The following MAPK8 variants were observed in gnomAD, a reference collection of about 807,000 sequenced individuals.
The protein encoded by MAPK8 is JUN N-terminal kinase.
A neutral mutation model predicts 52.9 loss-of-function variants in MAPK8; 13 were observed. The ratio of observed to expected loss-of-function variants is 0.25; its 90% CI spans 0.16 to 0.39. The LOEUF is 0.39. Among genes scored for constraint, MAPK8 ranks in the 10% least tolerant of loss-of-function variants. The pLI is 1.00. For missense variants in MAPK8, 300 were observed against 519.2 expected (o/e 0.58, Z 4.10); for synonymous variants, 191 against 169.8 (o/e 1.12, Z -0.97).
rs1053783116 is a variant in MAPK8, at chr10:48,326,909, A to G, written c.-50+20088A>G. On this transcript the variant is annotated intron_variant, in intron 1 of 11. Transcript: ENST00000374189. ...TATCAGAATTGTTAACTCACACCCA[A>G]TGGAAACAGCTGTATCAACTAGGAG... 2.6e-5 allele frequency among the ~76,000 whole-genome samples: 4 copies of G among 152,134 alleles called. No individual in the cohort carries two copies. In the South Asian group the frequency reaches 6.2e-4, roughly 24 times the overall value.
chr10:48,360,012 T>C lies in MAPK8; in HGVS notation c.-49-41600T>C, dbSNP rs187723391. 1.9e-3 allele frequency among the ~76,000 whole-genome samples: 283 copies of C among 152,174 alleles called. 1 individual carries two copies. The highest frequency in any genetic ancestry group is 6.4e-3 in the African/African-American group (265 of 41,528). The stretch of plus-strand genomic sequence containing the variant: ...CAACACATAATTGAGAAAGGACTGT[T>C]ACAAATTAACCGGGTTTGGCAGCAT... On this transcript the variant is annotated intron_variant, in intron 1 of 11. Transcript: ENST00000374189.
chr10:48,340,965 A>G (rs551624438), intron 1 of MAPK8, among the ~76,000 whole-genome samples: 58 of 152,322 alleles, frequency 3.8e-4, no homozygotes, highest in African/African-American at 1.3e-3. Flanking sequence ...CCAGAATGGC[A>G]GGACAGTTAT....
At chr10:48,399,861 C>A (rs187346572) in intron 1 of MAPK8, among the ~76,000 whole-genome samples, 1 of 152,264 alleles carries the variant, frequency 6.6e-6, no homozygotes, top group African/African-American at 2.4e-5. Flanking sequence ...TTAACCTTCC[C>A]AAAGGTGAAA....
At chr10:48,423,797 CAA>C (rs2043506118) in intron 6 of MAPK8, among the ~76,000 whole-genome samples, 1 of 152,052 alleles carries the variant, frequency 6.6e-6, no homozygotes, top group Admixed American at 6.6e-5. Context: ...ATTTTATAAA[CAA>C]GTTCTCAGGG....
chr10:48,427,772 G>A (rs891733677), intron 10 of MAPK8, among the ~76,000 whole-genome samples: 10 of 152,230 alleles, frequency 6.6e-5, no homozygotes, highest in African/African-American at 1.2e-4. Context: ...GATTATAGGC[G>A]TGAGTGCTTT....
chr10:48,407,252 T>A lies in MAPK8; in HGVS notation c.252+2271T>A, dbSNP rs2133049509. Among the ~76,000 whole-genome samples, 5 of 152,358 alleles carry A rather than the reference T, an allele frequency of 3.3e-5. 1 individual carries two copies. The South Asian group carries it at 1.0e-3, about 32-fold the overall frequency. On this transcript the variant is annotated intron_variant, in intron 3 of 11. Transcript: ENST00000374189. ...TTGAGCATATTGCAGAAATTACGTGTCTAACTATCACAGTTATCCAGCTGT... is the reference window on the plus strand; with the variant it reads ...TTGAGCATATTGCAGAAATTACGTGACTAACTATCACAGTTATCCAGCTGT...
chr10:48,330,624 C>G (rs1341334748), intron 1 of MAPK8, among the ~76,000 whole-genome samples: 1 of 152,154 alleles, frequency 6.6e-6, no homozygotes, highest in African/African-American at 2.4e-5. Context: ...GGCAGTCTTG[C>G]AAGATCAGGT....
intron 1 of MAPK8, among the ~76,000 whole-genome samples, chr10:48,330,097 A>G (rs913209053): frequency 2.6e-5 from 4 of 152,194 alleles, no homozygotes; most frequent in Non-Finnish European, 5.9e-5. Context: ...TATAATTTGT[A>G]AGGATACAAA....
intron 1 of MAPK8, among the ~76,000 whole-genome samples, chr10:48,331,777 G>A (rs1235163798): frequency 6.6e-6 from 1 of 152,160 alleles, no homozygotes; most frequent in East Asian, 1.9e-4. Context: ...TCCATAGTAG[G>A]GAGGATCTGT....
At chr10:48,407,655 A>G (rs906862649) in intron 3 of MAPK8, among the ~76,000 whole-genome samples, 5 of 152,194 alleles carry the variant, frequency 3.3e-5, no homozygotes, top group Non-Finnish European at 5.9e-5. Flanking sequence ...GAAGTATACC[A>G]TTCAGTGGTT....
chr10:48,313,846 C>T (rs748617695), intron 1 of MAPK8, among the ~76,000 whole-genome samples: 5 of 152,208 alleles, frequency 3.3e-5, no homozygotes, highest in Non-Finnish European at 7.3e-5. Context: ...ACCTCTGCCT[C>T]CGAGGTTCAG....
chr10:48,420,052 C>T (rs971352271), intron 5 of MAPK8, 103 bp from the exon 6 acceptor site: 2 of 847,814 alleles, frequency 2.4e-6, no homozygotes, highest in African/African-American at 3.4e-5. Context: ...GAAAAACGAA[C>T]AATTAACATG....
chr10:48,312,430 A>G (rs1440486965), intron 1 of MAPK8, among the ~76,000 whole-genome samples: 1 of 152,242 alleles, frequency 6.6e-6, no homozygotes, highest in Admixed American at 6.5e-5. Flanking sequence ...TGAGAAGTAT[A>G]GTCCTCCAGT....
At chr10:48,330,007 G>T (rs1843962995) in intron 1 of MAPK8, among the ~76,000 whole-genome samples, 1 of 152,112 alleles carries the variant, frequency 6.6e-6, no homozygotes, top group African/African-American at 2.4e-5. Context: ...AGTACCTATA[G>T]CTAGTAATAT....
chr10:48,384,096 A>G (rs890470710), intron 1 of MAPK8, among the ~76,000 whole-genome samples: 25 of 152,194 alleles, frequency 1.6e-4, no homozygotes, highest in Non-Finnish European at 5.9e-5. Context: ...TACTAAAAAT[A>G]CAAAAATTAG....
chr10:48,399,385 GCCAAGGGTA>G (rs2042044727), intron 1 of MAPK8, among the ~76,000 whole-genome samples: 1 of 152,174 alleles, frequency 6.6e-6, no homozygotes, highest in Non-Finnish European at 1.5e-5. Flanking sequence ...TGTGGCTTCT[GCCAAGGGTA>G]CTACTAGCTG....
intron 1 of MAPK8, among the ~76,000 whole-genome samples, chr10:48,317,027 A>G (rs1449129188): frequency 2.6e-5 from 4 of 152,126 alleles, no homozygotes; most frequent in Admixed American, 6.6e-5. Context: ...TCCCACAGCA[A>G]CCCTACAAGG....
intron 11 of MAPK8, among the ~76,000 whole-genome samples, chr10:48,432,987 AT>A (rs938274582): frequency 3.3e-4 from 50 of 152,254 alleles, no homozygotes; most frequent in African/African-American, 1.2e-3. Context: ...TTTCCACTTG[AT>A]TTTTAAAAGG....
chr10:48,316,098 G>A (rs557208068), intron 1 of MAPK8, among the ~76,000 whole-genome samples: 2 of 152,244 alleles, frequency 1.3e-5, no homozygotes, highest in Non-Finnish European at 2.9e-5. Context: ...GATAGTGAAT[G>A]TAGGATTAGC....
Sources: allele counts gnomAD v4.1 joint callset (sites outside exome capture counted in the v4.1 genomes callset), GRCh38; gene constraint gnomAD v4.1.1; transcripts MANE v1.5; gene names NCBI Gene and HGNC (gene_info 2026-07-23, HGNC 2026-07-21).